Variants in SHPRH observed in about 807,000 individuals in gnomAD.
The protein encoded by SHPRH is E3 ubiquitin-protein ligase SHPRH.
Under a neutral mutation model 202.5 loss-of-function variants are expected in SHPRH, and 106 were observed. The observed-to-expected ratio is 0.52, with a 90% confidence interval of 0.45 to 0.62. The LOEUF is 0.62. Among genes scored for constraint, SHPRH ranks in the 20% least tolerant of loss-of-function variants. SHPRH has a pLI of 0.00. For missense variants in SHPRH, 1,710 were observed against 2,020.0 expected (o/e 0.85, Z 2.94); for synonymous variants, 729 against 686.0 (o/e 1.06, Z -0.98).
chr6:145,922,926 G>T, intron 18 of SHPRH, 90 bp from the exon 19 acceptor site: 12 of 1,314,404 alleles, frequency 9.1e-6, no homozygotes, highest in South Asian at 1.8e-5. Flanking sequence ...CAAACAAAGT[G>T]TTAAAGAAAC....
At chr6:145,952,960 C>G (rs993612681) in intron 2 of SHPRH, among the ~76,000 whole-genome samples, 1 of 152,016 alleles carries the variant, frequency 6.6e-6, no homozygotes, top group African/African-American at 2.4e-5. Context: ...CCTAGTGAAG[C>G]AATGTGGTAT....
chr6:145,923,476 T>A (rs1784603167), intron 18 of SHPRH, among the ~76,000 whole-genome samples, 167 bp downstream of exon 18: 1 of 151,770 alleles, frequency 6.6e-6, no homozygotes, highest in African/African-American at 2.4e-5. Flanking sequence ...ACCATTTTGA[T>A]AAACTGTGAA....
chr6:145,945,267 A>AT (rs1366955394), intron 8 of SHPRH, 114 bp downstream of exon 8: 11 of 1,283,532 alleles, frequency 8.6e-6, no homozygotes, highest in East Asian at 4.9e-5. Context: ...TACTTTTCCT[A>AT]TTTTTTTATC....
chr6:145,933,495 G>A (rs930983943), intron 13 of SHPRH, among the ~76,000 whole-genome samples: 15 of 152,034 alleles, frequency 9.9e-5, no homozygotes, highest in African/African-American at 3.4e-4. Flanking sequence ...CTGAATCCCA[G>A]CACTGCAACT....
At chr6:145,866,604 G>A (rs969236761) in intron 2 of SHPRH, among the ~76,000 whole-genome samples, 4 of 152,182 alleles carry the variant, frequency 2.6e-5, no homozygotes, top group African/African-American at 9.7e-5. Flanking sequence ...AGCAACCTCT[G>A]ACCTCCTTTT....
chr6:145,878,870 A>G (rs1780426143), intron 2 of SHPRH, among the ~76,000 whole-genome samples: 1 of 152,218 alleles, frequency 6.6e-6, no homozygotes, highest in Non-Finnish European at 1.5e-5. Flanking sequence ...AACCAGCATT[A>G]GGCAGTATTA....
chr6:145,936,980 T>G (rs1562345088), intron 11 of SHPRH, among the ~76,000 whole-genome samples: 1 of 22,248 alleles, frequency 4.5e-5, no homozygotes, highest in African/African-American at 2.3e-4. Flanking sequence ...TGCTTCATCT[T>G]TTTTTTTTTT....
Position 145,935,153 on chromosome 6 carries a change from G to A in SHPRH, c.2744C>T (p.Pro915Leu), listed in dbSNP as rs1785927648. ...CCAGTGTATTTCTTCGGTTTGTGGT[G>A]GTATTTGGATCTGTGAAAAGGAGCA... ...KKDVIDQIQI[P>L]PQTEEIHWLH... The change falls in exon 13 of 30, where the codon CCA becomes CTA. Residue 915 changes from proline to leucine, a missense_variant. Physicochemically the swap from Pro to Leu is moderately conservative, Grantham distance 98. Coordinates refer to ENST00000275233, the MANE Select transcript of SHPRH (RefSeq NM_001042683.3). The A allele has an allele frequency of 6.2e-7, 1 of 1,613,138 alleles. No homozygotes were observed. The highest frequency in any genetic ancestry group is 2.2e-5 in the East Asian group (1 of 44,796).
Position 145,914,481 on chromosome 6 carries a change from C to T in SHPRH, c.4255-932G>A, listed in dbSNP as rs527543393. Reference sequence around the variant, plus strand: ...GGCCATATGATCTGTGTTGTAACAACTCAATTCCACTAATGTGGCATGAAT... The same window carrying T: ...GGCCATATGATCTGTGTTGTAACAATTCAATTCCACTAATGTGGCATGAAT... On this transcript the variant is annotated intron_variant, in intron 23 of 29. Transcript: ENST00000275233. 5.3e-5 allele frequency among the ~76,000 whole-genome samples: 8 copies of T among 152,238 alleles called. No individual in the cohort carries two copies. The South Asian group carries it at 1.7e-3, about 32-fold the overall frequency.
Position 145,945,510 on chromosome 6 carries a change from CAA to C in SHPRH, c.1447_1448del (p.Leu483GlufsTer10). ...RYDVQRNRSL[L>X]KRMLKCLIFE... is the part of the protein sequence containing the mutation. ...AAATTAAACATTTCAGCATCCGTTT[CAA>C]AAGACTCCTGTTCCGTTGAACATCG... On this transcript the variant is annotated frameshift_variant, in exon 8 of 30. Transcript: ENST00000275233. LOFTEE classifies it high-confidence loss of function. 6.2e-7 allele frequency: 1 copy of C among 1,613,280 alleles called. No homozygotes were observed. The highest frequency in any genetic ancestry group is 8.5e-7 in the Non-Finnish European group (1 of 1,179,584).
At chr6:145,865,030 C>G (rs1351085950) in intron 2 of SHPRH, among the ~76,000 whole-genome samples, 1 of 151,828 alleles carries the variant, frequency 6.6e-6, no homozygotes, top group African/African-American at 2.4e-5. Flanking sequence ...CATTCAGAAA[C>G]ATAAATTGTA....
chr6:145,866,175 C>A (rs1168523700), intron 2 of SHPRH, among the ~76,000 whole-genome samples: 1 of 152,234 alleles, frequency 6.6e-6, no homozygotes, highest in Non-Finnish European at 1.5e-5. Context: ...TTTCAATATT[C>A]TTTTATGCCA....
chr6:145,923,011 T>C (rs750426710), intron 18 of SHPRH, among the ~76,000 whole-genome samples, 175 bp from the exon 19 acceptor site: 2 of 151,248 alleles, frequency 1.3e-5, no homozygotes, highest in Non-Finnish European at 3.0e-5. Flanking sequence ...AAGTATAATA[T>C]TGGGCTGTCT....
At position 145,925,595 on chromosome 6, in the gene SHPRH, C is replaced by T. The variant is rs17075511; in HGVS notation, c.3294+609G>A. Among the ~76,000 whole-genome samples, 639 of 152,018 alleles carry T rather than the reference C, an allele frequency of 4.2e-3. 18 individuals carry two copies. The East Asian group carries it at 0.071, about 17-fold the overall frequency. On this transcript the variant is annotated intron_variant, in intron 16 of 29. Transcript: ENST00000275233. ...TTGACTCAAATAAAGCCTCCACTTA[C>T]AGGTTCAATACATTTCAAACATACC...
At chr6:145,924,901 TATG>T in intron 16 of SHPRH, 55 bp from the exon 17 acceptor site, 1 of 1,420,126 alleles carries the variant, frequency 7.0e-7, no homozygotes, top group Non-Finnish European at 9.8e-7. Flanking sequence ...TATAATTCAG[TATG>T]ATGTTTCAAG....
chr6:145,940,836 C>A, intron 10 of SHPRH, 35 bp from the exon 11 acceptor site: 1 of 1,606,516 alleles, frequency 6.2e-7, no homozygotes, highest in Non-Finnish European at 8.5e-7. Flanking sequence ...AAAATGAAAT[C>A]CAGAAAACCA....
chr6:145,938,439 G>T (rs1200054025), intron 11 of SHPRH, among the ~76,000 whole-genome samples: 1 of 152,062 alleles, frequency 6.6e-6, no homozygotes, highest in East Asian at 1.9e-4. Flanking sequence ...ATCTGACTGA[G>T]ATTCTATCCT....
chr6:145,922,888 A>G, intron 18 of SHPRH, 52 bp from the exon 19 acceptor site: 3 of 1,466,018 alleles, frequency 2.0e-6, no homozygotes, highest in Non-Finnish European at 2.7e-6. Context: ...ATAATAGGTC[A>G]ATTTCCTCAA....
intron 8 of SHPRH, among the ~76,000 whole-genome samples, chr6:145,944,257 A>G (rs950667826): frequency 2.0e-5 from 3 of 152,192 alleles, no homozygotes; most frequent in East Asian, 3.8e-4. Context: ...CCTTTTCTAC[A>G]TATGTCCTCT....
Sources: gnomAD v4.1 joint callset for allele counts (sites outside exome capture counted in the v4.1 genomes callset) on GRCh38, gnomAD v4.1.1 for gene constraint, MANE v1.5 for transcripts, NCBI Gene and HGNC (gene_info 2026-07-23, HGNC 2026-07-21) for gene names.